The following LRRN2 variants were observed in gnomAD, a reference collection of about 807,000 sequenced individuals.
LRRN2 encodes leucine rich repeat neuronal 2.
In LRRN2, 10 loss-of-function variants were observed where a neutral mutation model predicts 35.7. The ratio of observed to expected loss-of-function variants is 0.28; its 90% confidence interval spans 0.17 to 0.47. The LOEUF (loss-of-function observed/expected upper bound fraction) is 0.47, where lower values mean the gene tolerates loss of function less well. Among genes scored for constraint, LRRN2 ranks in the 20% least tolerant of loss-of-function variants. The probability of loss-of-function intolerance (pLI) is 0.99; values close to 1 mark genes in which losing one functional copy is unlikely to be tolerated. For missense variants in LRRN2, 731 were observed against 940.3 expected, an observed-to-expected ratio of 0.78 and a Z score of 2.91; for synonymous variants, 391 against 409.6, an observed-to-expected ratio of 0.95 and a Z score of 0.55.
intron 1 of LRRN2, among the ~76,000 whole-genome samples, chr1:204,675,183 C>T (rs1668799945): frequency 6.6e-6 from 1 of 152,186 alleles, no homozygotes; most frequent in Non-Finnish European, 1.5e-5. Context: ...CTCGGAGCCA[C>T]CGAGTTCTGA....
At chr1:204,675,465 T>C (rs1412400781) in intron 1 of LRRN2, among the ~76,000 whole-genome samples, 1 of 152,226 alleles carries the variant, frequency 6.6e-6, no homozygotes, top group Non-Finnish European at 1.5e-5. Flanking sequence ...TTTCCCAGCT[T>C]CTTAGACAGG....
rs1423629584 is a variant in LRRN2, at chr1:204,618,861, G to A, written c.1132C>T (p.Arg378Cys). The change falls in exon 2 of 2, where the codon CGC becomes TGC. Residue 378 changes from arginine to cysteine, a missense_variant. By Grantham distance (180) the Arg-to-Cys change is radical. Around this residue, in one of 3 missense-constraint regions of LRRN2, gnomAD observed 256 missense variants for 392.4 expected, o/e 0.65. Coordinates refer to ENST00000367177, the MANE Select transcript of LRRN2 (RefSeq NM_201630.2). ...GNPIRCDCVI[R>C]WANATGTRVR... is the part of the protein sequence containing the mutation. ...CGGGTGCCCGTGGCATTGGCCCAGC[G>A]GATGACACAGTCACAGCGGATGGGG... is the stretch of plus-strand genomic sequence containing the variant. The A allele has an allele frequency of 5.6e-6, 9 of 1,614,180 alleles. No homozygotes were observed. The highest frequency in any genetic ancestry group is 5.9e-6 in the Non-Finnish European group (7 of 1,180,042).
chr1:204,664,826 G>A (rs1668544257), intron 1 of LRRN2, among the ~76,000 whole-genome samples: 3 of 152,088 alleles, frequency 2.0e-5, no homozygotes, highest in Admixed American at 1.3e-4. Context: ...TTCTCCCTCT[G>A]GGGTCAGTCC....
intron 1 of LRRN2, among the ~76,000 whole-genome samples, chr1:204,649,501 G>C (rs952291937): frequency 6.6e-6 from 1 of 152,170 alleles, no homozygotes; most frequent in Non-Finnish European, 1.5e-5. Flanking sequence ...AGGGTTGCCC[G>C]GGATGCTTTA....
At chr1:204,670,362 G>T (rs536052120) in intron 1 of LRRN2, among the ~76,000 whole-genome samples, 4 of 152,212 alleles carry the variant, frequency 2.6e-5, no homozygotes, top group African/African-American at 9.6e-5. Flanking sequence ...GGCAGCGGGT[G>T]AGAAGGCAGT....
intron 1 of LRRN2, among the ~76,000 whole-genome samples, chr1:204,626,563 T>G (rs1236055448): frequency 6.6e-6 from 1 of 151,972 alleles, no homozygotes; most frequent in Non-Finnish European, 1.5e-5. Flanking sequence ...AGAAGAGTGG[T>G]TCCTCCCACA....
chr1:204,670,520 C>A (rs1437250082), intron 1 of LRRN2, among the ~76,000 whole-genome samples: 1 of 152,116 alleles, frequency 6.6e-6, no homozygotes, highest in African/African-American at 2.4e-5. Context: ...TGGGTGTCAT[C>A]TGCATGTGGA....
intron 1 of LRRN2, among the ~76,000 whole-genome samples, chr1:204,633,899 G>A (rs935127883): frequency 3.3e-5 from 5 of 152,204 alleles, no homozygotes; most frequent in African/African-American, 7.2e-5. Flanking sequence ...TCAAGAGAAC[G>A]CCCTTTCCAA....
intron 1 of LRRN2, among the ~76,000 whole-genome samples, chr1:204,639,245 C>A (rs1489620410): frequency 2.0e-5 from 3 of 152,230 alleles, no homozygotes; most frequent in Non-Finnish European, 4.4e-5. Flanking sequence ...GAGCCCAATC[C>A]TGTGTACAGG....
chr1:204,627,321 C>T (rs1228585587), intron 1 of LRRN2: 3 of 152,244 alleles, frequency 2.0e-5, no homozygotes, highest in African/African-American at 4.8e-5. Flanking sequence ...CAGCGCTCGC[C>T]TGACCTCCAG....
In LRRN2 at chr1:204,619,446, G is replaced by A. The variant is rs138976383; in HGVS notation, c.547C>T (p.Arg183Cys). ...NSNLLRAIDS[R>C]WFEMLPNLEI... The stretch of plus-strand genomic sequence containing the variant: ...AAGTTGGGCAGCATTTCAAACCAGC[G>A]GCTGTCAATGGCCCTCAGGAGGTTG... The change falls in exon 2 of 2, where the codon CGC becomes TGC. Residue 183 changes from arginine (R) to cysteine (C), a missense_variant. Physicochemically the swap from Arg to Cys is radical, Grantham distance 180. Coordinates refer to ENST00000367177, the MANE Select transcript of LRRN2 (RefSeq NM_201630.2). 6.6e-5 allele frequency: 106 copies of A among 1,614,110 alleles called. No homozygotes were observed. The African/African-American group carries it at 1.3e-3, about 19-fold the overall frequency.
At position 204,631,256 on chromosome 1, in the gene LRRN2, CTATATATATATATATATATATATA is replaced by C. The variant is rs1162626713; in HGVS notation, c.-226-11062_-226-11039del. 2.8e-3 allele frequency among the ~76,000 whole-genome samples: 102 copies of C among 36,920 alleles called. 5 individuals carry two copies. Among genetic ancestry groups the C allele is most frequent in the African/African-American group, 4.2e-3 (44 of 10,428 alleles). The allele number at this position is 36,920 out of a possible 152,430, so 24.2% of individuals were successfully genotyped here. On this transcript the variant is annotated intron_variant, in intron 1 of 1. Transcript: ENST00000367177. ...CAAGAAGAGTGATACCTAGAGTGTT[CTATATATATATATATATATATATA>C]TATATATATATATATATATATATGA...
chr1:204,678,670 C>T (rs1395409947), intron 1 of LRRN2, among the ~76,000 whole-genome samples: 1 of 152,196 alleles, frequency 6.6e-6, no homozygotes, highest in Non-Finnish European at 1.5e-5. Flanking sequence ...CCCTGCATCC[C>T]TGCCCTTGCA....
chr1:204,655,161 G>GT (rs1668320603), intron 1 of LRRN2, among the ~76,000 whole-genome samples: 17 of 152,280 alleles, frequency 1.1e-4, no homozygotes, highest in Admixed American at 9.8e-4. Flanking sequence ...GCTGAGGTAA[G>GT]TCCTCCAAGA....
chr1:204,635,874 T>C (rs573615605), intron 1 of LRRN2, among the ~76,000 whole-genome samples: 1 of 152,326 alleles, frequency 6.6e-6, no homozygotes, highest in Admixed American at 6.5e-5. Context: ...ACCAACATTC[T>C]TCCAGGACGA....
At chr1:204,668,238 CTGTG>C (rs2102623446) in intron 1 of LRRN2, among the ~76,000 whole-genome samples, 1 of 152,274 alleles carries the variant, frequency 6.6e-6, no homozygotes. Flanking sequence ...CCTTCCACTA[CTGTG>C]GATAATTTGA....
chr1:204,649,005 G>A (rs1395455473), intron 1 of LRRN2, among the ~76,000 whole-genome samples: 2 of 152,230 alleles, frequency 1.3e-5, no homozygotes, highest in African/African-American at 2.4e-5. Flanking sequence ...GAAGTCAGGT[G>A]GATGCACCAA....
chr1:204,638,614 C>T (rs1459413880), intron 1 of LRRN2, among the ~76,000 whole-genome samples: 4 of 151,806 alleles, frequency 2.6e-5, no homozygotes, highest in African/African-American at 9.7e-5. Flanking sequence ...GTTTCACCAT[C>T]TTGGCCAGGC....
chr1:204,631,367 C>G (rs574054548), intron 1 of LRRN2, among the ~76,000 whole-genome samples: 1 of 142,190 alleles, frequency 7.0e-6, no homozygotes, highest in African/African-American at 2.6e-5. Flanking sequence ...CCTCCTCTGT[C>G]CTGGCCACAA....
Sources: gnomAD v4.1 joint callset for allele counts (sites outside exome capture counted in the v4.1 genomes callset) on GRCh38, gnomAD v4.1.1 for gene constraint, gnomAD v4.1.1 regional missense constraint, MANE v1.5 for transcripts, NCBI Gene and HGNC (gene_info 2026-07-23, HGNC 2026-07-21) for gene names.